HHAT: variants seen among roughly 807,000 people sequenced by gnomAD.
HHAT encodes protein-cysteine N-palmitoyltransferase HHAT.
Under a neutral mutation model 70.8 loss-of-function variants are expected in HHAT, and 47 were observed. The ratio of observed to expected loss-of-function variants is 0.66; its 90% CI spans 0.53 to 0.85. HHAT has a LOEUF of 0.85. Among genes scored for constraint, HHAT ranks in the 40% least tolerant of loss-of-function variants. The pLI, the probability that HHAT is intolerant of heterozygous loss-of-function variation, is 0.00. For synonymous variants in HHAT, 228 were observed against 247.6 expected, an observed-to-expected ratio of 0.92 and a Z score of 0.74; for missense variants, 609 against 604.8, an observed-to-expected ratio of 1.01 and a Z score of -0.07.
intron 11 of HHAT, among the ~76,000 whole-genome samples, chr1:210,653,584 A>G (rs988720616): frequency 6.6e-6 from 1 of 152,048 alleles, no homozygotes; most frequent in Non-Finnish European, 1.5e-5. Context: ...CTGTGTACAT[A>G]CAATATTTGT....
At chr1:210,457,042 C>G (rs1357761445) in intron 7 of HHAT, among the ~76,000 whole-genome samples, 1 of 152,158 alleles carries the variant, frequency 6.6e-6, no homozygotes, top group East Asian at 1.9e-4. Flanking sequence ...TCCTCCTGAC[C>G]AAGCACGTTA....
chr1:210,498,208 T>C (rs1240515876), intron 8 of HHAT, among the ~76,000 whole-genome samples: 1 of 152,196 alleles, frequency 6.6e-6, no homozygotes, highest in Non-Finnish European at 1.5e-5. Flanking sequence ...TGGATTTATG[T>C]CCAGAAGAAC....
chr1:210,615,166 C>T (rs759773266), intron 10 of HHAT, among the ~76,000 whole-genome samples: 23 of 152,168 alleles, frequency 1.5e-4, no homozygotes, highest in South Asian at 4.1e-4. Context: ...TGGCCAGTGA[C>T]GATGAGCATT....
intron 11 of HHAT, among the ~76,000 whole-genome samples, chr1:210,629,914 C>G (rs1252439894): frequency 2.0e-5 from 3 of 151,604 alleles, no homozygotes. Context: ...ATGATCTCAG[C>G]TCACTGCAAC....
rs147691760 is a variant in HHAT at position 210,588,059 on chromosome 1, T to C, written c.1205T>C (p.Val402Ala). 1.9e-6 allele frequency: 3 copies of C among 1,612,690 alleles called. No individual in the cohort carries two copies. Among genetic ancestry groups the C allele is most frequent in the African/African-American group, 2.7e-5 (2 of 74,936 alleles). Reference protein sequence around the residue: ...NWLGVTVENGVRRLVETPCIQ... With the variant: ...NWLGVTVENGARRLVETPCIQ... ...CTGGGAGTCACTGTGGAGAATGGAG[T>C]CCGGAGGCTGGTGGAGACTCCCTGC... The change falls in exon 10 of 12, where the codon GTC becomes GCC. Residue 402 changes from valine to alanine, a missense_variant. Transcript: ENST00000261458.
intron 8 of HHAT, among the ~76,000 whole-genome samples, chr1:210,489,733 G>C (rs2094522875): frequency 6.6e-6 from 1 of 152,192 alleles, no homozygotes; most frequent in Admixed American, 6.5e-5. Context: ...CTGACCATCT[G>C]TGAATCTGGG....
intron 11 of HHAT, among the ~76,000 whole-genome samples, chr1:210,644,526 G>A (rs1267587491): frequency 6.7e-6 from 1 of 149,206 alleles, no homozygotes; most frequent in Non-Finnish European, 1.5e-5. Context: ...TTGCTTGAAC[G>A]TGGGAGGCAG....
intron 9 of HHAT, among the ~76,000 whole-genome samples, chr1:210,524,204 C>A (rs190583055): frequency 5.2e-4 from 79 of 152,254 alleles, no homozygotes; most frequent in Non-Finnish European, 1.3e-4. Context: ...GTATGGTGTA[C>A]TTAAAAACCT....
At chr1:210,510,674 G>C (rs888039454) in intron 8 of HHAT, among the ~76,000 whole-genome samples, 2 of 152,214 alleles carry the variant, frequency 1.3e-5, no homozygotes, top group Non-Finnish European at 2.9e-5. Context: ...TTAGGGTTCA[G>C]TTTGATTTCC....
chr1:210,374,026 A>G (rs530599753), intron 3 of HHAT: 16 of 152,356 alleles, frequency 1.1e-4, no homozygotes, highest in African/African-American at 3.8e-4. Flanking sequence ...TTGACATGGA[A>G]AACAAGAGTT....
chr1:210,501,908 C>G (rs1480585406), intron 8 of HHAT, among the ~76,000 whole-genome samples: 1 of 152,036 alleles, frequency 6.6e-6, no homozygotes, highest in African/African-American at 2.4e-5. Context: ...AAACAAAGCT[C>G]TGACCATCTT....
chr1:210,437,126 A>G (rs545981736), intron 7 of HHAT, among the ~76,000 whole-genome samples: 1 of 152,028 alleles, frequency 6.6e-6, no homozygotes, highest in East Asian at 1.9e-4. Context: ...TTGCTGGCTC[A>G]GAGCACATTC....
intron 9 of HHAT, among the ~76,000 whole-genome samples, chr1:210,516,980 G>A (rs1394832268): frequency 6.6e-6 from 1 of 152,186 alleles, no homozygotes; most frequent in Non-Finnish European, 1.5e-5. Flanking sequence ...GTTGATATTA[G>A]TGTTTTGTGA....
intron 2 of HHAT, among the ~76,000 whole-genome samples, chr1:210,353,401 A>G (rs116814083): frequency 0.027 from 4,007 of 149,622 alleles, 75 homozygotes; most frequent in Middle Eastern, 0.073. Flanking sequence ...AATTCCCATC[A>G]TGGAAAATCC....
At chr1:210,585,621 G>T (rs1660267317) in intron 9 of HHAT, among the ~76,000 whole-genome samples, 4 of 152,102 alleles carry the variant, frequency 2.6e-5, no homozygotes, top group Non-Finnish European at 2.9e-5. Context: ...GTTTTGCCAT[G>T]TTAGCCAGGC....
intron 9 of HHAT, among the ~76,000 whole-genome samples, chr1:210,587,662 T>C (rs560621523): frequency 6.6e-6 from 1 of 152,344 alleles, no homozygotes; most frequent in East Asian, 1.9e-4. Context: ...TATTTTGCTC[T>C]AGTAATGAGA....
Position 210,436,490 on chromosome 1 carries a change from A to G in HHAT, c.856+18165A>G, listed in dbSNP as rs950315389. Among the ~76,000 whole-genome samples the G allele has an allele frequency of 7.3e-5, 11 of 151,162 alleles. 1 individual carries two copies. The highest frequency in any genetic ancestry group is 2.7e-4 in the African/African-American group (11 of 40,818). On this transcript the variant is annotated intron_variant, in intron 7 of 11. Transcript: ENST00000261458. ...TATGAGTTTTGGGATTGTTTTTTCT[A>G]TTTCTGTGAAGACCGTCATTGGTAT...
intron 10 of HHAT, among the ~76,000 whole-genome samples, chr1:210,622,386 C>T (rs558078694): frequency 1.8e-4 from 27 of 152,318 alleles, no homozygotes; most frequent in African/African-American, 6.0e-4. Flanking sequence ...GTACCTGGTT[C>T]TCATTCTGAA....
At chr1:210,600,005 C>A (rs1023546468) in intron 10 of HHAT, among the ~76,000 whole-genome samples, 1 of 152,178 alleles carries the variant, frequency 6.6e-6, no homozygotes, top group African/African-American at 2.4e-5. Flanking sequence ...AGGATGCTCT[C>A]TTTCCTTCCC....
Sources: gnomAD v4.1 joint callset for allele counts (sites outside exome capture counted in the v4.1 genomes callset) on GRCh38, gnomAD v4.1.1 for gene constraint, MANE v1.5 for transcripts, NCBI Gene and HGNC (gene_info 2026-07-23, HGNC 2026-07-21) for gene names.